Variants in GALNT17 observed in about 807,000 individuals in gnomAD.
GALNT17 encodes polypeptide N-acetylgalactosaminyltransferase 17.
GALNT17 carries 29 observed loss-of-function variants against 63.7 expected under a neutral mutation model. The observed-to-expected ratio is 0.46, with a 90% CI of 0.34 to 0.62. The LOEUF (loss-of-function observed/expected upper bound fraction) is 0.62. Among genes scored for constraint, GALNT17 ranks in the 20% least tolerant of loss-of-function variants. The pLI, the probability that GALNT17 is intolerant of heterozygous loss-of-function variation, is 0.01. For synonymous variants in GALNT17, 305 were observed against 318.3 expected (o/e 0.96, Z 0.45); for missense variants, 603 against 799.6 (o/e 0.75, Z 2.97).
At chr7:71,529,024 A>G (rs879579473) in intron 5 of GALNT17, among the ~76,000 whole-genome samples, 15 of 152,106 alleles carry the variant, frequency 9.9e-5, no homozygotes, top group Non-Finnish European at 1.8e-4. Flanking sequence ...AGACCCAGCT[A>G]CTAAGGAGGC....
intron 1 of GALNT17, among the ~76,000 whole-genome samples, chr7:71,216,018 A>G (rs1789470381): frequency 6.6e-6 from 1 of 151,650 alleles, no homozygotes; most frequent in Non-Finnish European, 1.5e-5. Context: ...ACACTAGCCT[A>G]GGCAATATCA....
intron 1 of GALNT17, among the ~76,000 whole-genome samples, chr7:71,334,673 T>G (rs2116083480): frequency 6.6e-6 from 1 of 152,334 alleles, no homozygotes; most frequent in Admixed American, 6.5e-5. Context: ...TTGCAATTGC[T>G]CAGTGAGGCT....
chr7:71,176,255 G>A (rs376039174), intron 1 of GALNT17, among the ~76,000 whole-genome samples: 2 of 152,048 alleles, frequency 1.3e-5, no homozygotes, highest in African/African-American at 4.8e-5. Flanking sequence ...CTGTCGCCCC[G>A]TTCTGTTCAT....
At chr7:71,179,839 C>CTA (rs1339448044) in intron 1 of GALNT17, among the ~76,000 whole-genome samples, 1 of 152,222 alleles carries the variant, frequency 6.6e-6, no homozygotes. Flanking sequence ...ATACTCCTGT[C>CTA]TACTTTCTGC....
In GALNT17 at chr7:71,638,590, C is replaced by T. The variant is rs551846259; in HGVS notation, c.1081-26821C>T. Among the ~76,000 whole-genome samples the T allele has an allele frequency of 4.0e-4, 61 of 152,218 alleles. 1 individual carries two copies. The highest frequency in any genetic ancestry group is 3.4e-3 in the Middle Eastern group (1 of 294). ...CGATACAGACACGGCATGGGTAGTC[C>T]TTGAGGTTAGAATGGACGGAGAAGC... On this transcript the variant is annotated intron_variant, in intron 6 of 10. Transcript: ENST00000333538.
intron 9 of GALNT17, among the ~76,000 whole-genome samples, chr7:71,691,009 T>C (rs749086664): frequency 6.6e-6 from 1 of 152,200 alleles, no homozygotes; most frequent in Non-Finnish European, 1.5e-5. Context: ...AGCAGCAGGA[T>C]TTGAGAGGAT....
chr7:71,283,202 T>TA (rs879827582), intron 1 of GALNT17, among the ~76,000 whole-genome samples: 1,898 of 150,338 alleles, frequency 0.013, 22 homozygotes, highest in Middle Eastern at 0.038. Context: ...CCTGGCTAAT[T>TA]AAAAAAAAAA....
At chr7:71,244,817 G>T (rs775061557) in intron 1 of GALNT17, among the ~76,000 whole-genome samples, 1 of 152,056 alleles carries the variant, frequency 6.6e-6, no homozygotes, top group Admixed American at 6.6e-5. Context: ...GGGCATGGTG[G>T]TGCACACCTG....
intron 1 of GALNT17, among the ~76,000 whole-genome samples, chr7:71,228,912 T>G (rs545115865): frequency 6.6e-6 from 1 of 151,982 alleles, no homozygotes; most frequent in Admixed American, 6.6e-5. Flanking sequence ...CCTTTTTTTT[T>G]CCCTCCTCGG....
intron 7 of GALNT17, among the ~76,000 whole-genome samples, chr7:71,666,876 T>C (rs1316996166): frequency 6.6e-6 from 1 of 152,244 alleles, no homozygotes; most frequent in Non-Finnish European, 1.5e-5. Context: ...GTTGAACCGA[T>C]GGATGCAGAA....
intron 2 of GALNT17, among the ~76,000 whole-genome samples, chr7:71,345,223 C>T (rs568591394): frequency 9.9e-5 from 15 of 150,898 alleles, no homozygotes; most frequent in African/African-American, 3.2e-4. Context: ...TCTGCTTTTC[C>T]GATTATCTCG....
chr7:71,212,821 T>C (rs1004448527), intron 1 of GALNT17, among the ~76,000 whole-genome samples: 5 of 151,994 alleles, frequency 3.3e-5, no homozygotes, highest in Admixed American at 6.6e-5. Context: ...ATTTCTCCCA[T>C]TTGGAACAGC....
chr7:71,186,750 G>A (rs537048740), intron 1 of GALNT17, among the ~76,000 whole-genome samples: 3 of 152,268 alleles, frequency 2.0e-5, no homozygotes, highest in South Asian at 4.1e-4. Context: ...GTACCAAAAC[G>A]AAAGCGAGAC....
intron 1 of GALNT17, among the ~76,000 whole-genome samples, chr7:71,257,960 T>G (rs1293875544): frequency 6.6e-6 from 1 of 152,194 alleles, no homozygotes; most frequent in Non-Finnish European, 1.5e-5. Context: ...GTATTTGACC[T>G]CTGCATTGGC....
chr7:71,648,538 A>G (rs1917737), intron 6 of GALNT17, among the ~76,000 whole-genome samples: 138,057 of 152,214 alleles, frequency 0.91, 64,129 homozygotes, highest in South Asian at 1. Context: ...CTCCCAAAGT[A>G]CTGGGATGAC....
At chr7:71,133,921 C>G (rs143373389) in intron 1 of GALNT17, among the ~76,000 whole-genome samples, 3 of 152,294 alleles carry the variant, frequency 2.0e-5, no homozygotes, top group Non-Finnish European at 4.4e-5. Context: ...ACTACCTCCT[C>G]CCTTTCTGAG....
At chr7:71,449,605 G>A (rs1787222508) in intron 5 of GALNT17, among the ~76,000 whole-genome samples, 1 of 152,044 alleles carries the variant, frequency 6.6e-6, no homozygotes, top group African/African-American at 2.4e-5. Flanking sequence ...GTTTTAAATA[G>A]ACATCAGATT....
intron 1 of GALNT17, among the ~76,000 whole-genome samples, chr7:71,289,179 T>A (rs969724020): frequency 1.3e-5 from 2 of 151,106 alleles, no homozygotes; most frequent in Admixed American, 6.6e-5. Context: ...GTTATTCCTC[T>A]CTGTGCAGGC....
At chr7:71,336,027 T>C (rs538130529) in intron 2 of GALNT17, among the ~76,000 whole-genome samples, 2 of 27,004 alleles carry the variant, frequency 7.4e-5, no homozygotes, top group South Asian at 2.0e-3. Context: ...CCTTCTTCTT[T>C]CTTCCTTTTT....
Sources: allele counts gnomAD v4.1 joint callset (sites outside exome capture counted in the v4.1 genomes callset), GRCh38; gene constraint gnomAD v4.1.1; transcripts MANE v1.5; gene names NCBI Gene and HGNC (gene_info 2026-07-23, HGNC 2026-07-21).